The following ALPK2 variants were observed in gnomAD, a reference collection of about 807,000 sequenced individuals.
ALPK2 encodes alpha kinase 2.
Under a neutral mutation model 163.1 loss-of-function variants are expected in ALPK2, and 127 were observed. The observed-to-expected ratio is 0.78, with a 90% CI of 0.67 to 0.90. The LOEUF is 0.90. Among genes scored for constraint, ALPK2 ranks in the 40% least tolerant of loss-of-function variants. ALPK2 has a pLI of 0.00. For synonymous variants in ALPK2, 953 were observed against 959.1 expected, an observed-to-expected ratio of 0.99 and a Z score of 0.12; for missense variants, 2,360 against 2,589.6, an observed-to-expected ratio of 0.91 and a Z score of 1.92.
chr18:58,553,263 A>G (rs1369528675), intron 4 of ALPK2, among the ~76,000 whole-genome samples: 1 of 152,126 alleles, frequency 6.6e-6, no homozygotes, highest in Non-Finnish European at 1.5e-5. Flanking sequence ...GTGCTTTGTT[A>G]TGGCAGCCCT....
chr18:58,558,648 G>A (rs969166238), intron 4 of ALPK2, among the ~76,000 whole-genome samples: 8 of 152,178 alleles, frequency 5.3e-5, no homozygotes, highest in South Asian at 2.1e-4. Flanking sequence ...AGCATTACTC[G>A]TAATGGCCAC....
chr18:58,590,138 T>C (rs928449917), intron 3 of ALPK2, among the ~76,000 whole-genome samples: 1 of 150,798 alleles, frequency 6.6e-6, no homozygotes, highest in Non-Finnish European at 1.5e-5. Flanking sequence ...GGAGAGTCGC[T>C]TGAACCCAGG....
In ALPK2 at chr18:58,607,581, G is replaced by A. The variant is rs922488625; in HGVS notation, c.110-142C>T. The A allele has an allele frequency of 7.0e-5, 41 of 582,698 alleles. 1 individual carries two copies. Among genetic ancestry groups the A allele is most frequent in the Middle Eastern group, 3.1e-4 (1 of 3,272 alleles). The allele number at this position is 582,698 out of a possible 1,614,324, so 36.1% of individuals were successfully genotyped here. ...ATTACGTTAGGTGAGGAATTGAAAA[G>A]CCTTCTTCTTGTTGATACAAATAAA... On this transcript the variant is annotated intron_variant, in intron 2 of 12. Transcript: ENST00000361673.
chr18:58,503,083 T>C (rs2051440898), intron 11 of ALPK2, among the ~76,000 whole-genome samples: 1 of 152,260 alleles, frequency 6.6e-6, no homozygotes. Context: ...AAGCCATTTG[T>C]ATGTGAGTAC....
In ALPK2 at chr18:58,523,997, T is replaced by C; in HGVS notation, c.5567A>G (p.Tyr1856Cys). The change falls in exon 7 of 13, where the codon TAT becomes TGT. Residue 1856 changes from tyrosine to cysteine, a missense_variant. Transcript: ENST00000361673. ...VQASPKDQGL[Y>C]YCCIKNSYGK... ...GTAGCTGTTCTTGATGCAGCAGTAA[T>C]AGAGTCCCTGGTCCTTCGGACTGGC... 1 of 1,614,186 alleles carries C rather than the reference T, an allele frequency of 6.2e-7. No homozygotes were observed. The highest frequency in any genetic ancestry group is 8.5e-7 in the Non-Finnish European group (1 of 1,180,020).
At chr18:58,573,560 A>G (rs1225064001) in intron 4 of ALPK2, among the ~76,000 whole-genome samples, 7 of 143,384 alleles carry the variant, frequency 4.9e-5, no homozygotes, top group Admixed American at 2.1e-4. Context: ...GCAGTATTTT[A>G]ATTGGAACTC....
At chr18:58,611,581 T>C in intron 2 of ALPK2, 108 bp downstream of exon 2, 1 of 987,614 alleles carries the variant, frequency 1.0e-6, no homozygotes, top group Non-Finnish European at 1.6e-6. Flanking sequence ...AAAAAAAAAC[T>C]TCCAAGGTAA....
intron 12 of ALPK2, among the ~76,000 whole-genome samples, chr18:58,485,002 C>G (rs1484781548): frequency 6.6e-6 from 1 of 152,100 alleles, no homozygotes; most frequent in East Asian, 1.9e-4. Flanking sequence ...GCATTCAGGA[C>G]CAGTGACATG....
chr18:58,536,179 G>T lies in ALPK2; in HGVS notation c.4008C>A (p.Pro1336=), dbSNP rs3809980. The T allele has an allele frequency of 1.2e-6, 2 of 1,613,972 alleles. No homozygotes were observed. Among genetic ancestry groups the T allele is most frequent in the Non-Finnish European group, 8.5e-7 (1 of 1,180,006 alleles). Reference sequence around the variant, plus strand: ...GGTCCACGGATGACTCCAGGAGTCTGGGTTGGCTGAAACCCCGGGAAGAAA... The same window carrying T: ...GGTCCACGGATGACTCCAGGAGTCTTGGTTGGCTGAAACCCCGGGAAGAAA... The part of the protein sequence containing the change: ...RSLSSRGFSQ[P]RLLESSVDPV... The change falls in exon 5 of 13, where the codon CCC becomes CCA. Residue 1336 remains proline, a synonymous_variant. Coordinates refer to ENST00000361673, the MANE Select transcript of ALPK2 (RefSeq NM_052947.4).
chr18:58,627,617 C>T (rs1238900339), intron 1 of ALPK2, among the ~76,000 whole-genome samples: 1 of 152,088 alleles, frequency 6.6e-6, no homozygotes, highest in Non-Finnish European at 1.5e-5. Context: ...AAGAGCAAAA[C>T]TCTATCTAAA....
rs755595352 is a variant in ALPK2, at chr18:58,579,224, T to C, written c.1552A>G (p.Lys518Glu). ...MSQCWETAADKRVGGKDLWSK... is the reference protein window; with the variant it reads ...MSQCWETAADERVGGKDLWSK... ...CATAAGTCCTTTCCCCCCACTCTCT[T>C]GTCAGCTGCCGTCTCCCAACACTGG... The change falls in exon 4 of 13, where the codon AAG becomes GAG. Residue 518 changes from lysine to glutamate, a missense_variant. By Grantham distance (56) the Lys-to-Glu change is moderately conservative (BLOSUM62 1). Transcript: ENST00000361673. 15 of 1,614,052 alleles carry C rather than the reference T, an allele frequency of 9.3e-6. No individual in the cohort carries two copies. The South Asian group carries it at 1.3e-4, about 14-fold the overall frequency.
chr18:58,524,982 CGTT>C lies in ALPK2; in HGVS notation c.5502-923_5502-921del, dbSNP rs373715968. On this transcript the variant is annotated intron_variant, in intron 6 of 12. Transcript: ENST00000361673. ...AAAAAAAAAAAAAAGGATATTCAGA[CGTT>C]GTTCTGGTTTTGTTCTTTAAAATGA... Among the ~76,000 whole-genome samples the C allele has an allele frequency of 1.7e-4, 25 of 145,136 alleles. 1 individual carries two copies. The highest frequency in any genetic ancestry group is 3.8e-3 in the Middle Eastern group (1 of 262).
chr18:58,554,418 C>T (rs542402070), intron 4 of ALPK2, among the ~76,000 whole-genome samples: 58 of 152,322 alleles, frequency 3.8e-4, no homozygotes, highest in Non-Finnish European at 7.1e-4. Context: ...CTTCAGAGTT[C>T]ATTTCTCATT....
At chr18:58,533,544 C>T (rs1404165762) in intron 5 of ALPK2, among the ~76,000 whole-genome samples, 6 of 151,568 alleles carry the variant, frequency 4.0e-5, no homozygotes, top group East Asian at 1.9e-4. Flanking sequence ...ACTGTAGCCT[C>T]GACTTTCTGG....
At chr18:58,574,372 C>G (rs2051907844) in intron 4 of ALPK2, among the ~76,000 whole-genome samples, 1 of 149,618 alleles carries the variant, frequency 6.7e-6, no homozygotes, top group Non-Finnish European at 1.5e-5. Flanking sequence ...CCGCTTGAAC[C>G]CAGGAGGCGG....
chr18:58,585,391 A>C (rs1216442395), intron 3 of ALPK2, among the ~76,000 whole-genome samples: 1 of 152,184 alleles, frequency 6.6e-6, no homozygotes, highest in Non-Finnish European at 1.5e-5. Flanking sequence ...ATTTCATAAG[A>C]GTAGTTTTAA....
chr18:58,526,285 A>C (rs1437607102), intron 6 of ALPK2, among the ~76,000 whole-genome samples: 1 of 152,184 alleles, frequency 6.6e-6, no homozygotes, highest in East Asian at 1.9e-4. Flanking sequence ...GAGGGTACTT[A>C]GCATGGGGAC....
intron 12 of ALPK2, among the ~76,000 whole-genome samples, chr18:58,496,883 C>G (rs980774636): frequency 3.9e-5 from 6 of 152,200 alleles, no homozygotes; most frequent in Non-Finnish European, 7.3e-5. Flanking sequence ...CTAATACCCC[C>G]TCTGTGGTCT....
At chr18:58,543,276 T>A (rs546869019) in intron 4 of ALPK2, 1 of 834,168 alleles carries the variant, frequency 1.2e-6, no homozygotes, top group Non-Finnish European at 1.4e-6. Context: ...GAAATACATT[T>A]CTTTTCTTTA....
Sources: allele counts gnomAD v4.1 joint callset (sites outside exome capture counted in the v4.1 genomes callset), GRCh38; gene constraint gnomAD v4.1.1; transcripts MANE v1.5; gene names NCBI Gene and HGNC (gene_info 2026-07-23, HGNC 2026-07-21).